The following LIPI variants were observed in gnomAD, a reference collection of about 807,000 sequenced individuals.
LIPI encodes lipase I.
LIPI carries 59 observed loss-of-function variants against 50.6 expected under a neutral mutation model. The observed-to-expected ratio is 1.16, with a 90% CI of 0.94 to 1.45. The LOEUF (loss-of-function observed/expected upper bound fraction) is 1.45. Ranked by LOEUF, LIPI falls within the 40% of genes most tolerant of loss-of-function variation. The pLI is 0.00. For missense variants in LIPI, 586 were observed against 536.3 expected, an observed-to-expected ratio of 1.09 and a Z score of -0.92; for synonymous variants, 203 against 178.2, an observed-to-expected ratio of 1.14 and a Z score of -1.11.
At chr21:14,175,684 C>A (rs1286980386) in intron 4 of LIPI, among the ~76,000 whole-genome samples, 1 of 152,040 alleles carries the variant, frequency 6.6e-6, no homozygotes, top group African/African-American at 2.4e-5. Flanking sequence ...TGTATGCATA[C>A]CACAAGGAAA....
chr21:14,208,806 C>A (rs1234899411), intron 1 of LIPI, among the ~76,000 whole-genome samples: 1 of 152,194 alleles, frequency 6.6e-6, no homozygotes, highest in Non-Finnish European at 1.5e-5. Context: ...AATCCCAGCA[C>A]TTTGGGAGGC....
rs2019566141 is a variant in LIPI at position 14,189,212 on chromosome 21, G to C, written c.254C>G (p.Pro85Arg). 4 of 1,613,658 alleles carry C rather than the reference G, an allele frequency of 2.5e-6. No individual in the cohort carries two copies. Among genetic ancestry groups the C allele is most frequent in the Non-Finnish European group, 3.4e-6 (4 of 1,179,752 alleles). ...KTVWLIHGYR[P>R]VGSIPLWLQN... ...AAGCCATAATGGGATGGAGCCTACT[G>C]GTCTGTATCCGTGAATAAGCCAGAC... The change falls in exon 2 of 10, where the codon CCA becomes CGA. Residue 85 changes from proline (P) to arginine (R), a missense_variant. By Grantham distance (103) the Pro-to-Arg change is moderately radical (BLOSUM62 -2). Coordinates refer to ENST00000681601, the MANE Select transcript of LIPI (RefSeq NM_001302998.2).
chr21:14,172,337 T>G (rs2018942803), intron 4 of LIPI, among the ~76,000 whole-genome samples: 2 of 152,160 alleles, frequency 1.3e-5, no homozygotes. Context: ...GAACTAGAAA[T>G]AGCATTTGAC....
chr21:14,184,758 G>C (rs115485634), intron 3 of LIPI, among the ~76,000 whole-genome samples: 1,524 of 152,250 alleles, frequency 0.01, 20 homozygotes, highest in African/African-American at 0.035. Context: ...GTGTGGTTTT[G>C]GAAAGAGAAT....
chr21:14,151,375 C>A (rs894800158), intron 8 of LIPI, among the ~76,000 whole-genome samples: 1 of 152,144 alleles, frequency 6.6e-6, no homozygotes, highest in Non-Finnish European at 1.5e-5. Flanking sequence ...AGGTCCATCG[C>A]ACATTAATTT....
Position 14,189,201 on chromosome 21 carries a change from T to G in LIPI, c.265A>C (p.Ile89Leu). Residue 89 changes from isoleucine to leucine, a missense_variant, in exon 2 of 10, where the codon ATC (isoleucine) becomes CTC (leucine). Coordinates refer to ENST00000681601, the MANE Select transcript of LIPI (RefSeq NM_001302998.2). ...LIHGYRPVGS[I>L]PLWLQNFVRI... ...ACGAAGTTCTGAAGCCATAATGGGA[T>G]GGAGCCTACTGGTCTGTATCCGTGA... The G allele has an allele frequency of 6.2e-7, 1 of 1,614,178 alleles. No individual in the cohort carries two copies. Among genetic ancestry groups the G allele is most frequent in the East Asian group, 2.2e-5 (1 of 44,870 alleles).
intron 4 of LIPI, 35 bp from the exon 5 acceptor site, chr21:14,166,486 A>G: frequency 9.3e-7 from 1 of 1,081,018 alleles, no homozygotes; most frequent in Non-Finnish European, 1.4e-6. Context: ...CACAACATGT[A>G]TATAATCAGG....
At chr21:14,148,876 C>T (rs193157805) in intron 8 of LIPI, among the ~76,000 whole-genome samples, 4 of 152,302 alleles carry the variant, frequency 2.6e-5, no homozygotes, top group Non-Finnish European at 4.4e-5. Context: ...TTTTATATTC[C>T]TTCACAACAG....
At chr21:14,165,125 G>C (rs767318738) in intron 6 of LIPI, 98 bp downstream of exon 6, 3 of 907,316 alleles carry the variant, frequency 3.3e-6, no homozygotes, top group Non-Finnish European at 5.3e-6. Context: ...GTATTAACAA[G>C]TAAACAGAGT....
At chr21:14,141,004 T>G (rs1045490010) in intron 9 of LIPI, among the ~76,000 whole-genome samples, 1 of 152,212 alleles carries the variant, frequency 6.6e-6, no homozygotes, top group Non-Finnish European at 1.5e-5. Context: ...ACTCCGTTGA[T>G]AATTTTTTGA....
chr21:14,166,654 T>C (rs1025717086), intron 4 of LIPI, among the ~76,000 whole-genome samples: 1 of 152,244 alleles, frequency 6.6e-6, no homozygotes, highest in African/African-American at 2.4e-5. Flanking sequence ...TATTTGCCAG[T>C]CAGCAGTTTA....
At chr21:14,114,012 C>G (rs573962209) in intron 9 of LIPI, among the ~76,000 whole-genome samples, 1 of 151,950 alleles carries the variant, frequency 6.6e-6, no homozygotes, top group Non-Finnish European at 1.5e-5. Flanking sequence ...ATGGTGAAAC[C>G]CTGTCTCTAC....
chr21:14,167,873 T>C (rs1288938548), intron 4 of LIPI, among the ~76,000 whole-genome samples: 1 of 152,196 alleles, frequency 6.6e-6, no homozygotes, highest in Non-Finnish European at 1.5e-5. Context: ...GAGAATGACT[T>C]TGACAAGCTG....
chr21:14,116,236 A>G (rs1035396629), intron 9 of LIPI, among the ~76,000 whole-genome samples: 3 of 152,034 alleles, frequency 2.0e-5, no homozygotes, highest in Non-Finnish European at 4.4e-5. Flanking sequence ...GGAGAGGCCA[A>G]TGTGGGGAGT....
At position 14,142,279 on chromosome 21, in the gene LIPI, T is replaced by G. The variant is rs370671438; in HGVS notation, c.1295+2344A>C. On this transcript the variant is annotated intron_variant, in intron 9 of 9. Coordinates refer to ENST00000681601, the MANE Select transcript of LIPI (RefSeq NM_001302998.2). ...TATACCTATGTAACAAACCTGCACA[T>G]TCTGCACATGTATCCCAAAACTTAA... 2.3e-4 allele frequency among the ~76,000 whole-genome samples: 35 copies of G among 152,082 alleles called. No individual in the cohort carries two copies. In the East Asian group the frequency reaches 6.8e-3, roughly 29 times the overall value.
At position 14,205,947 on chromosome 21, in the gene LIPI, T is replaced by C. The variant is rs543274443; in HGVS notation, c.46+4853A>G. ...TAATATAGAATTTTATTTCCAAAGATGTAGGAAGATAATGACTCTAGCAGT... is the reference window on the plus strand; with the variant it reads ...TAATATAGAATTTTATTTCCAAAGACGTAGGAAGATAATGACTCTAGCAGT... On this transcript the variant is annotated intron_variant, in intron 1 of 9. Coordinates refer to ENST00000681601, the MANE Select transcript of LIPI (RefSeq NM_001302998.2). Among the ~76,000 whole-genome samples the C allele has an allele frequency of 5.9e-5, 9 of 152,202 alleles. No homozygotes were observed. The South Asian group carries it at 1.9e-3, about 31-fold the overall frequency.
chr21:14,171,203 A>T (rs1387792406), intron 4 of LIPI, among the ~76,000 whole-genome samples: 1 of 151,166 alleles, frequency 6.6e-6, no homozygotes, highest in African/African-American at 2.4e-5. Context: ...CCACTGCTCA[A>T]TGAAATAAAA....
intron 9 of LIPI, among the ~76,000 whole-genome samples, chr21:14,119,274 G>T (rs572422534): frequency 4.6e-5 from 7 of 152,286 alleles, no homozygotes; most frequent in Non-Finnish European, 1.0e-4. Context: ...TAGATGATTT[G>T]TTACTAGCTA....
intron 4 of LIPI, among the ~76,000 whole-genome samples, chr21:14,180,227 T>A (rs1256595810): frequency 6.6e-6 from 1 of 152,144 alleles, no homozygotes; most frequent in African/African-American, 2.4e-5. Flanking sequence ...TTTTTTGTTG[T>A]TTAAGATGTT....
Sources: allele counts gnomAD v4.1 joint callset (sites outside exome capture counted in the v4.1 genomes callset), GRCh38; gene constraint gnomAD v4.1.1; transcripts MANE v1.5; gene names NCBI Gene and HGNC (gene_info 2026-07-23, HGNC 2026-07-21).